CLVS1: variants seen among roughly 807,000 people sequenced by gnomAD.
CLVS1 encodes the protein clavesin 1, also known as clavesin-1.
CLVS1 carries 10 observed loss-of-function variants against 33.1 expected under a neutral mutation model. The observed-to-expected ratio is 0.30, with a 90% CI of 0.19 to 0.51. CLVS1 has a LOEUF of 0.51. Ranked by LOEUF, CLVS1 falls within the 20% of genes least tolerant of loss-of-function variation. The probability of loss-of-function intolerance (pLI) is 0.97; values close to 1 mark genes in which losing one functional copy is unlikely to be tolerated. For missense variants in CLVS1, 343 were observed against 433.4 expected (o/e 0.79, Z 1.85); for synonymous variants, 163 against 166.1 (o/e 0.98, Z 0.14).
intron 3 of CLVS1, among the ~76,000 whole-genome samples, chr8:61,450,813 G>T (rs1369825243): frequency 1.3e-5 from 2 of 152,114 alleles, no homozygotes; most frequent in Non-Finnish European, 2.9e-5. Flanking sequence ...GCAGAGTTTG[G>T]GTAATTATTA....
intron 3 of CLVS1, among the ~76,000 whole-genome samples, chr8:61,410,655 G>T (rs143970885): frequency 0.023 from 3,471 of 151,514 alleles, 131 homozygotes; most frequent in African/African-American, 0.079. Context: ...ATTTTTTATT[G>T]TTTTGAGACA....
At chr8:61,371,485 G>A (rs1813436748) in intron 2 of CLVS1, among the ~76,000 whole-genome samples, 3 of 152,080 alleles carry the variant, frequency 2.0e-5, no homozygotes, top group South Asian at 4.1e-4. Context: ...AATTAGTACA[G>A]GAATATGCCC....
At chr8:61,496,876 A>T (rs1804285306) in intron 5 of CLVS1, among the ~76,000 whole-genome samples, 1 of 152,200 alleles carries the variant, frequency 6.6e-6, no homozygotes. Context: ...GTGGGTTGGT[A>T]ATAAACCTGT....
intron 3 of CLVS1, among the ~76,000 whole-genome samples, chr8:61,428,262 A>G (rs1268187732): frequency 3.9e-5 from 6 of 152,226 alleles, no homozygotes; most frequent in Non-Finnish European, 7.3e-5. Flanking sequence ...TAGGATGCCC[A>G]TTGATAACTA....
chr8:61,129,871 A>G (rs1465966396), intron 1 of CLVS1, among the ~76,000 whole-genome samples: 1 of 152,234 alleles, frequency 6.6e-6, no homozygotes, highest in East Asian at 1.9e-4. Flanking sequence ...CCTCTCTAAG[A>G]CAATGTTAAT....
chr8:61,082,491 A>T (rs1585596137), intron 1 of CLVS1, among the ~76,000 whole-genome samples: 1 of 138,800 alleles, frequency 7.2e-6, no homozygotes, highest in African/African-American at 2.7e-5. Context: ...AAACAAACAA[A>T]CAAACAAAAA....
At chr8:61,476,864 C>T (rs944631944) in intron 5 of CLVS1, among the ~76,000 whole-genome samples, 1 of 152,158 alleles carries the variant, frequency 6.6e-6, no homozygotes, top group African/African-American at 2.4e-5. Context: ...GACGGCATCC[C>T]TGTCTTGTGC....
At chr8:61,480,256 G>A (rs888211152) in intron 5 of CLVS1, among the ~76,000 whole-genome samples, 4 of 152,226 alleles carry the variant, frequency 2.6e-5, no homozygotes, top group African/African-American at 7.2e-5. Context: ...CGGCTGCTTT[G>A]TTTACCTACT....
chr8:61,485,806 G>A (rs1232341073), intron 5 of CLVS1, among the ~76,000 whole-genome samples: 1 of 152,218 alleles, frequency 6.6e-6, no homozygotes, highest in Non-Finnish European at 1.5e-5. Flanking sequence ...GAACATGGAT[G>A]AAGCTAGAAA....
At chr8:61,252,282 CTG>C (rs1563463392) in intron 2 of CLVS1, among the ~76,000 whole-genome samples, 1 of 152,092 alleles carries the variant, frequency 6.6e-6, no homozygotes, top group African/African-American at 2.4e-5. Flanking sequence ...GTCTGAGAGA[CTG>C]TTTGTTATGA....
At chr8:61,204,570 A>G (rs58441537) in intron 2 of CLVS1, among the ~76,000 whole-genome samples, 2,488 of 152,290 alleles carry the variant, frequency 0.016, 76 homozygotes, top group African/African-American at 0.057. Flanking sequence ...GCATAATGAG[A>G]CTTCCTAAAC....
chr8:61,138,572 G>A (rs1806236053), intron 2 of CLVS1, among the ~76,000 whole-genome samples: 1 of 151,592 alleles, frequency 6.6e-6, no homozygotes, highest in Non-Finnish European at 1.5e-5. Flanking sequence ...ATGGGCTTGG[G>A]AAGGGGAGAC....
chr8:61,430,820 G>T (rs951762037), intron 3 of CLVS1, among the ~76,000 whole-genome samples: 1 of 152,184 alleles, frequency 6.6e-6, no homozygotes, highest in African/African-American at 2.4e-5. Context: ...CAAGGACATG[G>T]AGTGGAATAC....
chr8:61,061,297 AG>A (rs1250707822), intron 1 of CLVS1, among the ~76,000 whole-genome samples: 1 of 152,156 alleles, frequency 6.6e-6, no homozygotes, highest in African/African-American at 2.4e-5. Context: ...ATATCAAACC[AG>A]GGGTAAAGGA....
chr8:61,485,865 T>C (rs1803859812), intron 5 of CLVS1, among the ~76,000 whole-genome samples: 1 of 151,992 alleles, frequency 6.6e-6, no homozygotes, highest in African/African-American at 2.4e-5. Flanking sequence ...AAACACCACA[T>C]GTTCTCACTC....
the CLVS1 span, among the ~76,000 whole-genome samples, chr8:61,024,242 G>T: frequency 1.8e-4 from 27 of 152,274 alleles, no homozygotes; most frequent in South Asian, 5.2e-3. Flanking sequence ...CTGGTGTGGT[G>T]GGGGCAATGG....
chr8:61,218,636 T>TAAAA (rs113600902), intron 2 of CLVS1, among the ~76,000 whole-genome samples: 5 of 145,362 alleles, frequency 3.4e-5, no homozygotes, highest in African/African-American at 1.0e-4. Flanking sequence ...TATATGTCAA[T>TAAAA]AAAAAAAAAA....
chr8:61,258,531 C>G (rs532286516), intron 2 of CLVS1, among the ~76,000 whole-genome samples: 1 of 152,254 alleles, frequency 6.6e-6, no homozygotes, highest in African/African-American at 2.4e-5. Flanking sequence ...GACCAGGAGA[C>G]AGAAGCATCT....
intron 2 of CLVS1, among the ~76,000 whole-genome samples, chr8:61,309,428 A>G (rs1013299764): frequency 6.6e-6 from 1 of 152,194 alleles, no homozygotes; most frequent in Admixed American, 6.5e-5. Context: ...GACATCTCAC[A>G]GCAGTTCTCT....
Sources: allele counts gnomAD v4.1 joint callset (sites outside exome capture counted in the v4.1 genomes callset), GRCh38; gene constraint gnomAD v4.1.1; transcripts MANE v1.5; gene names NCBI Gene and HGNC (gene_info 2026-07-23, HGNC 2026-07-21).